The following CCDC171 variants were observed in gnomAD, a reference collection of about 807,000 sequenced individuals.
CCDC171 encodes the protein coiled-coil domain-containing protein 171.
CCDC171 carries 177 observed loss-of-function variants against 168.2 expected under a neutral mutation model. That is an observed-to-expected ratio of 1.05 (90% CI 0.93 to 1.19). CCDC171 has a LOEUF of 1.19. Among genes scored for constraint, CCDC171 ranks in the 50% most tolerant of loss-of-function variants. The pLI, the probability that CCDC171 is intolerant of heterozygous loss-of-function variation, is 0.00. For synonymous variants in CCDC171, 687 were observed against 540.8 expected (o/e 1.27, Z -3.75); for missense variants, 1,991 against 1,539.0 (o/e 1.29, Z -4.91).
At chr9:16,072,756 C>G in the CCDC171 span, among the ~76,000 whole-genome samples, 1 of 152,088 alleles carries the variant, frequency 6.6e-6, no homozygotes, top group African/African-American at 2.4e-5. Context: ...CCTTCTCGTC[C>G]TATTCGTTAA....
intron 3 of CCDC171, among the ~76,000 whole-genome samples, chr9:15,572,858 T>G (rs1250977690): frequency 1.3e-5 from 2 of 152,188 alleles, no homozygotes; most frequent in African/African-American, 4.8e-5. Flanking sequence ...AGTTGTGTAT[T>G]GAATAAATGT....
chr9:16,046,889 A>G (rs1310260201), intron 1 of CCDC171, among the ~76,000 whole-genome samples: 1 of 152,196 alleles, frequency 6.6e-6, no homozygotes, highest in Non-Finnish European at 1.5e-5. Context: ...TAATACACAC[A>G]GTAAACCACT....
chr9:15,748,337 C>A lies in CCDC171; in HGVS notation c.2671+2706C>A, dbSNP rs116548047. ...AGGGGATTATGTGAAAAGACCAAAT[C>A]TGTGTTTGATTGGTGTATCTGAAAG... On this transcript the variant is annotated intron_variant, in intron 18 of 25. Coordinates refer to ENST00000380701, the MANE Select transcript of CCDC171 (RefSeq NM_173550.4). 7.9e-3 allele frequency among the ~76,000 whole-genome samples: 1,197 copies of A among 152,272 alleles called. 12 individuals carry two copies. Among genetic ancestry groups the A allele is most frequent in the African/African-American group, 0.028 (1,154 of 41,550 alleles).
intron 23 of CCDC171, among the ~76,000 whole-genome samples, chr9:15,850,597 A>G (rs2061083591): frequency 6.6e-6 from 1 of 152,018 alleles, no homozygotes; most frequent in African/African-American, 2.4e-5. Context: ...AAAGTTATGA[A>G]TTACTTTTCA....
intron 11 of CCDC171, among the ~76,000 whole-genome samples, chr9:15,701,493 C>T (rs1392934698): frequency 6.6e-6 from 1 of 151,964 alleles, no homozygotes; most frequent in East Asian, 1.9e-4. Flanking sequence ...GAAGTTTGCT[C>T]CGTCAGTTGA....
chr9:15,715,819 A>G (rs1406644062), intron 11 of CCDC171, among the ~76,000 whole-genome samples: 1 of 152,246 alleles, frequency 6.6e-6, no homozygotes, highest in East Asian at 1.9e-4. Flanking sequence ...CAGCTTGAAA[A>G]ACAATGATTT....
chr9:15,745,234 A>G (rs1035942515), intron 17 of CCDC171, among the ~76,000 whole-genome samples: 17 of 152,236 alleles, frequency 1.1e-4, no homozygotes, highest in African/African-American at 4.1e-4. Flanking sequence ...ATGCATAACT[A>G]TTTTGAAGAA....
chr9:15,643,945 G>A (rs2046836236), intron 7 of CCDC171, among the ~76,000 whole-genome samples: 1 of 152,028 alleles, frequency 6.6e-6, no homozygotes, highest in Non-Finnish European at 1.5e-5. Flanking sequence ...TCCATTCTAT[G>A]GATTCACAAC....
chr9:16,085,112 G>C, the CCDC171 span, among the ~76,000 whole-genome samples: 1 of 152,210 alleles, frequency 6.6e-6, no homozygotes. Flanking sequence ...CTGGAGGGCA[G>C]CATGTCAGCC....
chr9:15,764,944 G>A (rs1313698364), intron 18 of CCDC171, among the ~76,000 whole-genome samples: 1 of 152,166 alleles, frequency 6.6e-6, no homozygotes, highest in Admixed American at 6.5e-5. Flanking sequence ...AACATTTAGA[G>A]GTTAGGAAAT....
chr9:15,690,913 A>G (rs73644694), intron 10 of CCDC171, among the ~76,000 whole-genome samples: 5,984 of 152,240 alleles, frequency 0.039, 252 homozygotes, highest in African/African-American at 0.11. Flanking sequence ...ATTAAAATGA[A>G]GTAAATGCAC....
intron 25 of CCDC171, among the ~76,000 whole-genome samples, chr9:15,950,732 C>T (rs1301781858): frequency 6.6e-6 from 1 of 151,084 alleles, no homozygotes; most frequent in Non-Finnish European, 1.5e-5. Flanking sequence ...GCAAAATAAC[C>T]AGCTAACATC....
intron 23 of CCDC171, among the ~76,000 whole-genome samples, chr9:15,869,821 T>C (rs1322451476): frequency 6.6e-6 from 1 of 151,754 alleles, no homozygotes; most frequent in East Asian, 1.9e-4. Context: ...CAAAGTGTCT[T>C]TGAGATGGCA....
At chr9:15,730,941 A>G (rs2054114777) in intron 16 of CCDC171, among the ~76,000 whole-genome samples, 1 of 152,054 alleles carries the variant, frequency 6.6e-6, no homozygotes, top group African/African-American at 2.4e-5. Context: ...AAAAGTATTT[A>G]TTTGATATGT....
intron 23 of CCDC171, among the ~76,000 whole-genome samples, chr9:15,856,904 A>C (rs142145859): frequency 4.6e-5 from 7 of 152,050 alleles, no homozygotes; most frequent in African/African-American, 1.4e-4. Context: ...TAGTCATCCT[A>C]ATAGGTATGA....
chr9:15,880,943 A>C (rs113264474), intron 24 of CCDC171, among the ~76,000 whole-genome samples: 1 of 152,194 alleles, frequency 6.6e-6, no homozygotes, highest in Non-Finnish European at 1.5e-5. Flanking sequence ...CATATAGTTC[A>C]TCTGAGAATA....
chr9:15,577,793 A>C (rs1057430336), intron 3 of CCDC171, among the ~76,000 whole-genome samples: 2 of 152,226 alleles, frequency 1.3e-5, no homozygotes, highest in African/African-American at 4.8e-5. Context: ...AGCAAGGCCC[A>C]TGGAAGGAGG....
intron 20 of CCDC171, among the ~76,000 whole-genome samples, chr9:15,782,813 C>CG (rs2057734915): frequency 6.6e-6 from 1 of 152,106 alleles, no homozygotes; most frequent in Non-Finnish European, 1.5e-5. Flanking sequence ...GTGGAGAGTT[C>CG]GGCAGCTGTT....
At chr9:15,561,816 A>T (rs767357490) in intron 1 of CCDC171, among the ~76,000 whole-genome samples, 6 of 152,062 alleles carry the variant, frequency 3.9e-5, no homozygotes, top group Non-Finnish European at 8.8e-5. Context: ...AGCGAGGAAG[A>T]TGAAGAAAAT....
Sources: allele counts gnomAD v4.1 joint callset (sites outside exome capture counted in the v4.1 genomes callset), GRCh38; gene constraint gnomAD v4.1.1; transcripts MANE v1.5; gene names NCBI Gene and HGNC (gene_info 2026-07-23, HGNC 2026-07-21).